MTR: variants seen among roughly 807,000 people sequenced by gnomAD.
MTR encodes the protein methionine synthase.
A neutral mutation model predicts 154.8 loss-of-function variants in MTR; 84 were observed. The observed-to-expected ratio is 0.54, with a 90% CI of 0.45 to 0.65. The LOEUF is 0.65. MTR is among the 30% of genes least tolerant of loss of function. The pLI, the probability that MTR is intolerant of heterozygous loss-of-function variation, is 0.00. For synonymous variants in MTR, 554 were observed against 553.9 expected (o/e 1.00, Z 0.00); for missense variants, 1,275 against 1,570.2 (o/e 0.81, Z 3.18).
chr1:236,847,939 A>G (rs1663679985), intron 15 of MTR, among the ~76,000 whole-genome samples: 2 of 152,302 alleles, frequency 1.3e-5, no homozygotes, highest in Non-Finnish European at 2.9e-5. Context: ...CCTGGTGAGG[A>G]GTAAGACAGA....
Position 236,862,246 on chromosome 1 carries a change from C to G in MTR, c.2207C>G (p.Ser736Ter). The change falls in exon 21 of 33, where the codon TCA becomes TGA. Residue 736 changes from serine (S) to a stop codon, truncating the protein, a stop_gained. Transcript: ENST00000366577. LOFTEE classifies it high-confidence loss of function. ...GKMFLPQVIK[S>*]ARVMKKAVGH... is the part of the protein sequence containing the mutation. ...TGCTTTTTTTCTCAGGTTATAAAGT[C>G]AGCCCGGGTTATGAAGAAGGCTGTT... is the stretch of plus-strand genomic sequence containing the variant. 1 of 1,613,720 alleles carries G rather than the reference C, an allele frequency of 6.2e-7. No homozygotes were observed. The highest frequency in any genetic ancestry group is 8.5e-7 in the Non-Finnish European group (1 of 1,179,678).
intron 2 of MTR, among the ~76,000 whole-genome samples, chr1:236,804,322 C>T (rs56017627): frequency 6.6e-6 from 1 of 152,312 alleles, no homozygotes; most frequent in Non-Finnish European, 1.5e-5. Context: ...TTATTCACCC[C>T]TTCCACCATG....
chr1:236,887,262 G>C (rs1666063074), intron 27 of MTR, among the ~76,000 whole-genome samples: 1 of 152,150 alleles, frequency 6.6e-6, no homozygotes, highest in Non-Finnish European at 1.5e-5. Flanking sequence ...TTTCATCCTT[G>C]CTGAGTTCAG....
intron 3 of MTR, among the ~76,000 whole-genome samples, chr1:236,807,059 A>G (rs1194481055): frequency 6.6e-6 from 1 of 152,220 alleles, no homozygotes; most frequent in Non-Finnish European, 1.5e-5. Context: ...TATATATAGC[A>G]TGTATTCAAG....
intron 3 of MTR, among the ~76,000 whole-genome samples, chr1:236,808,236 A>G (rs998820033): frequency 6.6e-6 from 1 of 152,232 alleles, no homozygotes; most frequent in Non-Finnish European, 1.5e-5. Context: ...AATAATATGC[A>G]AAAAGTTCAG....
In MTR at chr1:236,901,930, T is replaced by C. The variant is rs6679990; in HGVS notation, c.*4286T>C. The C allele has an allele frequency of 0.12, 18,250 of 152,262 alleles. 2,450 individuals carry two copies. The highest frequency in any genetic ancestry group is 0.32 in the African/African-American group (13,305 of 41,470). The allele number at this position is 152,262 out of a possible 1,614,324, so 9.4% of individuals were successfully genotyped here. On this transcript the variant is annotated 3_prime_UTR_variant, in exon 33 of 33. Coordinates refer to ENST00000366577, the MANE Select transcript of MTR (RefSeq NM_000254.3). ...CCAGTTGGTTCTCAAGCCCTGGCGATTTTACGCGCTAGATAGGTCTTAAGT... is the reference window on the plus strand; with the variant it reads ...CCAGTTGGTTCTCAAGCCCTGGCGACTTTACGCGCTAGATAGGTCTTAAGT...
chr1:236,861,353 A>G (rs756861647), intron 20 of MTR, 76 bp downstream of exon 20: 14 of 1,598,066 alleles, frequency 8.8e-6, no homozygotes, highest in African/African-American at 2.7e-5. Context: ...TTTGGGATAT[A>G]TTTCTCAGGT....
intron 24 of MTR, among the ~76,000 whole-genome samples, chr1:236,878,606 A>T (rs1665561320): frequency 6.6e-6 from 1 of 152,070 alleles, no homozygotes; most frequent in African/African-American, 2.4e-5. Context: ...AACAATAGCT[A>T]ATGAACTGAA....
Position 236,821,211 on chromosome 1 carries a change from A to C in MTR, c.765-2908A>C, listed in dbSNP as rs79383083. 8.5e-5 allele frequency among the ~76,000 whole-genome samples: 13 copies of C among 152,360 alleles called. No homozygotes were observed. In the East Asian group the frequency reaches 2.5e-3, roughly 29 times the overall value. ...TAGCATGGCAGAAAAGTGAAAGGGC[A>C]CGTTAGCATGTGTGAAAGAGAGGGG... On this transcript the variant is annotated intron_variant, in intron 8 of 32. Coordinates refer to ENST00000366577, the MANE Select transcript of MTR (RefSeq NM_000254.3).
At chr1:236,816,839 C>T (rs1190776048) in intron 8 of MTR, among the ~76,000 whole-genome samples, 1 of 152,124 alleles carries the variant, frequency 6.6e-6, no homozygotes, top group Non-Finnish European at 1.5e-5. Flanking sequence ...CAGTGACACT[C>T]CCTATTTATG....
intron 15 of MTR, among the ~76,000 whole-genome samples, chr1:236,844,841 G>A (rs542672140): frequency 6.6e-6 from 1 of 152,292 alleles, no homozygotes. Flanking sequence ...GATCTGTGGT[G>A]CTTAACTAGG....
At chr1:236,869,332 T>A (rs1166986970) in intron 22 of MTR, among the ~76,000 whole-genome samples, 1 of 152,188 alleles carries the variant, frequency 6.6e-6, no homozygotes, top group African/African-American at 2.4e-5. Flanking sequence ...AATTAAATGC[T>A]TGCTCTCATA....
intron 15 of MTR, 143 bp downstream of exon 15, chr1:236,838,742 A>C: frequency 1.2e-6 from 1 of 843,976 alleles, no homozygotes; most frequent in Non-Finnish European, 1.9e-6. Context: ...ATATATGTAC[A>C]CGTATCTGTA....
At chr1:236,892,234 G>C (rs1327899062) in intron 29 of MTR, among the ~76,000 whole-genome samples, 1 of 152,128 alleles carries the variant, frequency 6.6e-6, no homozygotes. Flanking sequence ...CACTTTGAGA[G>C]GCCAAGGTGG....
rs1247650997 is a variant in MTR at position 236,900,811 on chromosome 1, C to G, written c.*3167C>G. On this transcript the variant is annotated 3_prime_UTR_variant, in exon 33 of 33. Coordinates refer to ENST00000366577, the MANE Select transcript of MTR (RefSeq NM_000254.3). ...GCATCCTTGCTGCTGCCAGCAGTGCCCAGATACCAGGCTTTGGGGAATGAG... is the reference window on the plus strand; with the variant it reads ...GCATCCTTGCTGCTGCCAGCAGTGCGCAGATACCAGGCTTTGGGGAATGAG... 4.6e-5 allele frequency: 7 copies of G among 152,532 alleles called. No individual in the cohort carries two copies. In the Admixed American group the frequency reaches 4.6e-4, roughly 10 times the overall value. The allele number at this position is 152,532 out of a possible 1,614,324, so 9.4% of individuals were successfully genotyped here.
intron 25 of MTR, among the ~76,000 whole-genome samples, chr1:236,883,031 C>T (rs972093219): frequency 6.6e-6 from 1 of 152,086 alleles, no homozygotes; most frequent in African/African-American, 2.4e-5. Context: ...TGGAAGATTC[C>T]AAAAAGATGT....
intron 19 of MTR, among the ~76,000 whole-genome samples, 162 bp downstream of exon 19, chr1:236,860,084 C>T (rs1234702525): frequency 1.1e-5 from 1 of 87,016 alleles, no homozygotes; most frequent in Non-Finnish European, 2.8e-5. Flanking sequence ...CCCCCCCCCC[C>T]CCCCCCACCA....
chr1:236,834,540 G>A (rs573633520), intron 13 of MTR, among the ~76,000 whole-genome samples: 1 of 152,016 alleles, frequency 6.6e-6, no homozygotes, highest in Non-Finnish European at 1.5e-5. Context: ...CACTACATGT[G>A]GTGTTTCCTT....
intron 13 of MTR, among the ~76,000 whole-genome samples, chr1:236,832,475 G>T (rs536036032): frequency 6.6e-6 from 1 of 152,356 alleles, no homozygotes; most frequent in African/African-American, 2.4e-5. Context: ...AACGCTGACT[G>T]TTGAGGGTAT....
Sources: allele counts gnomAD v4.1 joint callset (sites outside exome capture counted in the v4.1 genomes callset), GRCh38; gene constraint gnomAD v4.1.1; transcripts MANE v1.5; gene names NCBI Gene and HGNC (gene_info 2026-07-23, HGNC 2026-07-21).